The following MAPKBP1 variants were observed in gnomAD, a reference collection of about 807,000 sequenced individuals.
MAPKBP1 encodes the protein mitogen-activated protein kinase-binding protein 1.
In MAPKBP1, 71 loss-of-function variants were observed where a neutral mutation model predicts 170.5. That is an observed-to-expected ratio of 0.42 (90% CI 0.34 to 0.51). The LOEUF is 0.51. Ranked by LOEUF, MAPKBP1 falls within the 20% of genes least tolerant of loss-of-function variation. The probability of loss-of-function intolerance (pLI) is 0.06; values close to 1 mark genes in which losing one functional copy is unlikely to be tolerated. For synonymous variants in MAPKBP1, 719 were observed against 757.9 expected, an observed-to-expected ratio of 0.95 and a Z score of 0.84; for missense variants, 1,598 against 1,933.0, an observed-to-expected ratio of 0.83 and a Z score of 3.25.
rs2064895226 is a variant in MAPKBP1, at chr15:41,816,558, G to A, written c.1494-1G>A. On this transcript the variant is annotated splice_acceptor_variant, in intron 12 of 30. Coordinates refer to ENST00000457542, the MANE Select transcript of MAPKBP1 (RefSeq NM_014994.3). LOFTEE classifies it high-confidence loss of function. ...CTTCCCACCTCTCCTCATCTTTGCAGGGTGCACGAACTTCAGTCCCTGAGT... is the reference window on the plus strand; with the variant it reads ...CTTCCCACCTCTCCTCATCTTTGCAAGGTGCACGAACTTCAGTCCCTGAGT... 6.2e-7 allele frequency: 1 copy of A among 1,612,984 alleles called. No individual in the cohort carries two copies. Among genetic ancestry groups the A allele is most frequent in the African/African-American group, 1.3e-5 (1 of 74,904 alleles).
chr15:41,823,938 G>A lies in MAPKBP1; in HGVS notation c.4090G>A (p.Ala1364Thr). 1 of 1,614,064 alleles carries A rather than the reference G, an allele frequency of 6.2e-7. No individual in the cohort carries two copies. Among genetic ancestry groups the A allele is most frequent in the South Asian group, 1.1e-5 (1 of 91,084 alleles). The change falls in exon 29 of 31, where the codon GCC becomes ACC. Residue 1364 changes from alanine to threonine, a missense_variant. Physicochemically the swap from Ala to Thr is moderately conservative, Grantham distance 58. Transcript: ENST00000457542. ...QAHPGPSSPC[A>T]QQLPVSSLFQ... ...TCATCCTGGGCCCAGCAGCCCCTGT[G>A]CCCAGCAACTGCCAGTCAGCAGCCT...
intron 1 of MAPKBP1, 102 bp downstream of exon 1, chr15:41,774,712 C>T (rs528564930): frequency 5.0e-5 from 20 of 399,232 alleles, no homozygotes; most frequent in African/African-American, 4.1e-4. Context: ...AGAGCGAGCT[C>T]TGGAGGATAG....
In MAPKBP1 at chr15:41,821,006, A is replaced by G. The variant is rs1382993106; in HGVS notation, c.2656A>G (p.Ile886Val). ...LQDPSQDSLA[I>V]IPSGPRKHGQ... ...GGACCCTAGCCAGGACTCGCTGGCCATCATCCCATCTGGTCCCAGGAAGCA... is the reference window on the plus strand; with the variant it reads ...GGACCCTAGCCAGGACTCGCTGGCCGTCATCCCATCTGGTCCCAGGAAGCA... The change falls in exon 23 of 31, where the codon ATC becomes GTC. Residue 886 changes from isoleucine (I) to valine (V), a missense_variant. Coordinates refer to ENST00000457542, the MANE Select transcript of MAPKBP1 (RefSeq NM_014994.3). The G allele has an allele frequency of 5.0e-6, 8 of 1,614,168 alleles. No individual in the cohort carries two copies. The highest frequency in any genetic ancestry group is 5.9e-6 in the Non-Finnish European group (7 of 1,180,014).
At chr15:41,785,575 T>C (rs1596064872) in intron 2 of MAPKBP1, among the ~76,000 whole-genome samples, 1 of 152,216 alleles carries the variant, frequency 6.6e-6, no homozygotes, top group Non-Finnish European at 1.5e-5. Context: ...CTAATTTATA[T>C]TGACAAATAA....
intron 7 of MAPKBP1, 103 bp downstream of exon 7, chr15:41,812,756 G>A: frequency 6.8e-7 from 1 of 1,474,136 alleles, no homozygotes; most frequent in South Asian, 1.4e-5. Flanking sequence ...TGCATTCCCA[G>A]CAGTCATGCA....
intron 2 of MAPKBP1, among the ~76,000 whole-genome samples, chr15:41,782,840 A>G (rs776752437): frequency 3.9e-5 from 6 of 152,252 alleles, no homozygotes; most frequent in Admixed American, 6.5e-5. Context: ...TTTGTCCCCA[A>G]CATTCCTTAT....
chr15:41,822,537 A>G, intron 26 of MAPKBP1, 56 bp from the exon 27 acceptor site: 5 of 1,609,514 alleles, frequency 3.1e-6, no homozygotes, highest in Non-Finnish European at 4.2e-6. Context: ...AGGAGGCAAA[A>G]TCTGGGGCAA....
rs2064817506 is a variant in MAPKBP1, at chr15:41,812,139, G to T, written c.498+12G>T. The T allele has an allele frequency of 1.2e-6, 2 of 1,614,002 alleles. No homozygotes were observed. The highest frequency in any genetic ancestry group is 1.7e-6 in the Non-Finnish European group (2 of 1,179,936). On this transcript the variant is annotated intron_variant, in intron 6 of 30. Transcript: ENST00000457542. ...TGTGGGCCTGGAAGGTGAGTGGCTG[G>T]GTGGGGTGGCCTGGCAGCCTCACAG...
At chr15:41,803,424 A>AG (rs2064634462) in intron 3 of MAPKBP1, among the ~76,000 whole-genome samples, 1 of 146,404 alleles carries the variant, frequency 6.8e-6, no homozygotes, top group Non-Finnish European at 1.5e-5. Flanking sequence ...AAAAAAAAAA[A>AG]AAAAAAAAAA....
chr15:41,804,643 A>G lies in MAPKBP1; in HGVS notation c.206+4729A>G, dbSNP rs886088107. 1.1e-4 allele frequency among the ~76,000 whole-genome samples: 16 copies of G among 152,190 alleles called. 1 individual carries two copies. The highest frequency in any genetic ancestry group is 8.5e-4 in the Admixed American group (13 of 15,276). On this transcript the variant is annotated intron_variant, in intron 3 of 30. Transcript: ENST00000457542. ...GACTCCAGGCCTGGCCTTTAAGGGC[A>G]TGTGCTTATGCATGTTTATGAGCAG...
intron 22 of MAPKBP1, among the ~76,000 whole-genome samples, chr15:41,820,378 T>G (rs1217682240): frequency 2.0e-5 from 3 of 151,826 alleles, no homozygotes; most frequent in Non-Finnish European, 2.9e-5. Context: ...AAAGGAGTGG[T>G]TGGGGTAGAC....
At chr15:41,797,459 T>G (rs776671018) in intron 2 of MAPKBP1, among the ~76,000 whole-genome samples, 20 of 152,012 alleles carry the variant, frequency 1.3e-4, no homozygotes, top group Non-Finnish European at 2.2e-4. Context: ...TCCCTAAATA[T>G]CCCCTCCTCT....
chr15:41,813,707 T>TA lies in MAPKBP1; in HGVS notation c.908dup (p.Asn303LysfsTer6). The TA allele has an allele frequency of 6.2e-7, 1 of 1,613,942 alleles. No homozygotes were observed. ...GCACCGTGCGCCTTTTCAACCCCTC[T>TA]AACCTGCACTTCCTTAGCACCTTGC... On this transcript the variant is annotated frameshift_variant, in exon 9 of 31. Transcript: ENST00000457542. LOFTEE classifies it high-confidence loss of function.
intron 2 of MAPKBP1, among the ~76,000 whole-genome samples, chr15:41,785,022 G>C (rs1183062145): frequency 6.6e-6 from 1 of 152,058 alleles, no homozygotes; most frequent in Non-Finnish European, 1.5e-5. Flanking sequence ...CTCCCTCCCA[G>C]GGCCATTGTG....
chr15:41,819,544 T>TGGCGGG, intron 21 of MAPKBP1, 51 bp from the exon 22 acceptor site: 3 of 912,370 alleles, frequency 3.3e-6, no homozygotes, highest in South Asian at 3.8e-5. Flanking sequence ...CAGGGTTGGG[T>TGGCGGG]GGCGGGGGGG....
At chr15:41,824,850 G>A (rs964508058) in intron 30 of MAPKBP1, among the ~76,000 whole-genome samples, 3 of 152,154 alleles carry the variant, frequency 2.0e-5, no homozygotes, top group African/African-American at 2.4e-5. Flanking sequence ...AGTTTATGTC[G>A]TTGTCCCAGT....
At chr15:41,790,717 A>C (rs138250953) in intron 2 of MAPKBP1, among the ~76,000 whole-genome samples, 2 of 152,220 alleles carry the variant, frequency 1.3e-5, no homozygotes, top group African/African-American at 4.8e-5. Context: ...ACATCAGCCA[A>C]ACTGGGTAGA....
In MAPKBP1 at chr15:41,823,070, C is replaced by T; in HGVS notation, c.3446C>T (p.Ser1149Phe). The change falls in exon 28 of 31, where the codon TCT becomes TTT. Residue 1149 changes from serine to phenylalanine, a missense_variant. Ser to Phe is a radical substitution (Grantham distance 155, BLOSUM62 -2). This residue lies in a region of MAPKBP1 where 942 missense variants were observed against 953.2 expected (regional missense o/e 0.99). Coordinates refer to ENST00000457542, the MANE Select transcript of MAPKBP1 (RefSeq NM_014994.3). ...GCACCCCCGGAGGTGGAACCGTCCT[C>T]TGGCAACCCCAGCCCCCAGCAGGCA... ...PGAPPEVEPS[S>F]GNPSPQQAAS... The T allele has an allele frequency of 6.2e-7, 1 of 1,613,774 alleles. No individual in the cohort carries two copies. Among genetic ancestry groups the T allele is most frequent in the South Asian group, 1.1e-5 (1 of 91,074 alleles).
intron 2 of MAPKBP1, among the ~76,000 whole-genome samples, chr15:41,789,061 A>C (rs1393309773): frequency 6.6e-6 from 1 of 152,196 alleles, no homozygotes; most frequent in East Asian, 1.9e-4. Flanking sequence ...AGGGGCACTG[A>C]GAGCCCTCCA....
Sources: gnomAD v4.1 joint callset for allele counts (sites outside exome capture counted in the v4.1 genomes callset) on GRCh38, gnomAD v4.1.1 for gene constraint, gnomAD v4.1.1 regional missense constraint, MANE v1.5 for transcripts, NCBI Gene and HGNC (gene_info 2026-07-23, HGNC 2026-07-21) for gene names.